The following DGKI variants were observed in gnomAD, a reference collection of about 807,000 sequenced individuals.
DGKI encodes the protein diacylglycerol kinase iota.
DGKI carries 55 observed loss-of-function variants against 147.5 expected under a neutral mutation model. The observed-to-expected ratio is 0.37, with a 90% CI of 0.30 to 0.47. DGKI has a LOEUF of 0.47. Among genes scored for constraint, DGKI ranks in the 20% least tolerant of loss-of-function variants. The pLI is 1.00. For synonymous variants in DGKI, 469 were observed against 477.1 expected (o/e 0.98, Z 0.22); for missense variants, 1,007 against 1,323.8 (o/e 0.76, Z 3.71).
intron 3 of DGKI, among the ~76,000 whole-genome samples, chr7:137,657,347 A>C (rs1462989639): frequency 1.3e-5 from 2 of 152,262 alleles, no homozygotes; most frequent in African/African-American, 2.4e-5. Context: ...TTCAGAGCTC[A>C]TGCTTATAAG....
intron 1 of DGKI, among the ~76,000 whole-genome samples, chr7:137,819,910 C>CT (rs1797847978): frequency 6.6e-6 from 1 of 152,234 alleles, no homozygotes. Flanking sequence ...TCTTCAACAA[C>CT]TAGTTCAAAT....
chr7:137,558,638 T>C (rs1818307691), intron 19 of DGKI, among the ~76,000 whole-genome samples: 2 of 111,874 alleles, frequency 1.8e-5, no homozygotes, highest in Non-Finnish European at 3.6e-5. Context: ...ATGCTATTAG[T>C]AGTGGTGGTA....
chr7:137,824,362 C>A (rs575349600), intron 1 of DGKI, among the ~76,000 whole-genome samples: 5 of 151,866 alleles, frequency 3.3e-5, no homozygotes, highest in African/African-American at 1.2e-4. Context: ...ACTAAAAATA[C>A]AAAATTAGCT....
intron 19 of DGKI, among the ~76,000 whole-genome samples, chr7:137,561,759 GA>G (rs1167890432): frequency 6.6e-6 from 1 of 151,574 alleles, no homozygotes; most frequent in Admixed American, 6.6e-5. Context: ...CAAGAACAGA[GA>G]AAAAAAGACA....
At position 137,743,999 on chromosome 7, in the gene DGKI, A is replaced by AAC. The variant is rs1554470359; in HGVS notation, c.402-53998_402-53997insGT. 1.9e-3 allele frequency among the ~76,000 whole-genome samples: 283 copies of AAC among 151,724 alleles called. 3 individuals are homozygous for AAC. The highest frequency in any genetic ancestry group is 3.5e-3 in the Non-Finnish European group (235 of 67,946). On this transcript the variant is annotated intron_variant, in intron 1 of 32. Coordinates refer to ENST00000614521, the MANE Select transcript of DGKI (RefSeq NM_001321708.2). ...CTCCATCTCAAAAAAGAAAAAAAAAAAAAACTAATCCCAAAGCTAGTAGAA... is the reference window on the plus strand; with the variant it reads ...CTCCATCTCAAAAAAGAAAAAAAAAAACAAAACTAATCCCAAAGCTAGTAGAA...
chr7:137,576,939 C>T (rs188905052), intron 17 of DGKI, among the ~76,000 whole-genome samples: 195 of 152,286 alleles, frequency 1.3e-3, no homozygotes, highest in African/African-American at 4.5e-3. Context: ...ATTATACACA[C>T]GGTTGAATAA....
chr7:137,581,957 A>C (rs1442941497), intron 14 of DGKI, 29 bp from the exon 15 acceptor site: 1 of 1,586,700 alleles, frequency 6.3e-7, no homozygotes, highest in Non-Finnish European at 8.7e-7. Context: ...ACAGAGGCAA[A>C]ATTTTGTGTG....
intron 8 of DGKI, among the ~76,000 whole-genome samples, chr7:137,618,375 C>A (rs1423616747): frequency 6.6e-6 from 1 of 150,952 alleles, no homozygotes; most frequent in East Asian, 2.0e-4. Flanking sequence ...TGCCTGTGTG[C>A]CATTCTCCTG....
rs746986101 is a variant in DGKI at position 137,587,151 on chromosome 7, C to A, written c.1371G>T (p.Gly457=). Residue 457 remains glycine (G), a synonymous_variant, in exon 13 of 33, where the codon GGG becomes GGT. Coordinates refer to ENST00000614521, the MANE Select transcript of DGKI (RefSeq NM_001321708.2). Reference sequence around the variant, plus strand: ...CATTCCCAGTCCCCAGAGGAAGGACCCCCACAGGAGGCTGAGGGCTCAGCT... The same window carrying A: ...CATTCCCAGTCCCCAGAGGAAGGACACCCACAGGAGGCTGAGGGCTCAGCT... ...ELQLSPQPPV[G]VLPLGTGNDL... 9 of 1,612,688 alleles carry A rather than the reference C, an allele frequency of 5.6e-6. No homozygotes were observed. The African/African-American group carries it at 1.2e-4, about 22-fold the overall frequency.
At chr7:137,592,857 G>A (rs1052283319) in intron 12 of DGKI, among the ~76,000 whole-genome samples, 5 of 152,132 alleles carry the variant, frequency 3.3e-5, no homozygotes, top group Non-Finnish European at 1.5e-5. Context: ...AAGAAATCAA[G>A]ATAAAAATCA....
At chr7:137,425,990 G>A (rs893851564) in intron 28 of DGKI, among the ~76,000 whole-genome samples, 1 of 152,212 alleles carries the variant, frequency 6.6e-6, no homozygotes. Context: ...ATATTATCCA[G>A]GAGAACTTCC....
chr7:137,790,271 C>T (rs1796811724), intron 1 of DGKI, among the ~76,000 whole-genome samples: 1 of 147,816 alleles, frequency 6.8e-6, no homozygotes, highest in Non-Finnish European at 1.5e-5. Context: ...CACACACACA[C>T]TGGAACCACT....
chr7:137,640,789 G>A (rs1821597930), intron 6 of DGKI, among the ~76,000 whole-genome samples: 1 of 152,108 alleles, frequency 6.6e-6, no homozygotes, highest in African/African-American at 2.4e-5. Context: ...TGTACCCTAA[G>A]TTCACTCTCA....
chr7:137,424,434 C>T (rs952607399), intron 28 of DGKI, among the ~76,000 whole-genome samples: 2 of 152,118 alleles, frequency 1.3e-5, no homozygotes, highest in African/African-American at 2.4e-5. Flanking sequence ...TGAACAGCTC[C>T]GGTCTACAGC....
At chr7:137,552,313 G>A (rs1818073828) in intron 20 of DGKI, 56 bp downstream of exon 20, 2 of 1,588,502 alleles carry the variant, frequency 1.3e-6, no homozygotes, top group South Asian at 1.1e-5. Flanking sequence ...CACATGCTCT[G>A]CACTCTCCTC....
chr7:137,619,752 G>T, intron 8 of DGKI, 72 bp downstream of exon 8: 1 of 1,172,060 alleles, frequency 8.5e-7, no homozygotes, highest in Non-Finnish European at 1.3e-6. Context: ...GACTAGTCTG[G>T]GGAGAAAAGC....
chr7:137,397,441 T>C (rs201613524), intron 30 of DGKI, 28 bp from the exon 31 acceptor site: 197 of 1,607,554 alleles, frequency 1.2e-4, no homozygotes, highest in Non-Finnish European at 1.6e-4. Context: ...AAGATGACCG[T>C]CAAAAATAAG....
chr7:137,591,208 G>C (rs755945329), intron 12 of DGKI, among the ~76,000 whole-genome samples: 1 of 152,138 alleles, frequency 6.6e-6, no homozygotes, highest in Admixed American at 6.5e-5. Context: ...AAGGTGCTTC[G>C]CCTCTCATCA....
chr7:137,708,883 G>A (rs757922862), intron 1 of DGKI, among the ~76,000 whole-genome samples: 9 of 152,182 alleles, frequency 5.9e-5, no homozygotes, highest in Non-Finnish European at 1.2e-4. Context: ...TAGAAGCCAT[G>A]AAGATGCAAT....
Sources: allele counts gnomAD v4.1 joint callset (sites outside exome capture counted in the v4.1 genomes callset), GRCh38; gene constraint gnomAD v4.1.1; transcripts MANE v1.5; gene names NCBI Gene and HGNC (gene_info 2026-07-23, HGNC 2026-07-21).